The following EXT1 variants were observed in gnomAD, a reference collection of about 807,000 sequenced individuals.
The protein encoded by EXT1 is exostosin-1.
EXT1 carries 20 observed loss-of-function variants against 82.5 expected under a neutral mutation model. That is an observed-to-expected ratio of 0.24 (90% CI 0.17 to 0.35). EXT1 has a LOEUF of 0.35. EXT1 is among the 10% of genes least tolerant of loss of function. The probability of loss-of-function intolerance (pLI) is 1.00; values close to 1 mark genes in which losing one functional copy is unlikely to be tolerated. For missense variants in EXT1, 757 were observed against 936.5 expected, an observed-to-expected ratio of 0.81 and a Z score of 2.50; for synonymous variants, 348 against 350.8, an observed-to-expected ratio of 0.99 and a Z score of 0.09.
intron 1 of EXT1, among the ~76,000 whole-genome samples, chr8:117,918,881 T>C (rs938409076): frequency 1.3e-5 from 2 of 152,164 alleles, no homozygotes; most frequent in Non-Finnish European, 1.5e-5. Flanking sequence ...ACTGACATGA[T>C]GTGTTAGTCA....
At chr8:118,015,654 T>C (rs1013934337) in intron 1 of EXT1, among the ~76,000 whole-genome samples, 37 of 152,028 alleles carry the variant, frequency 2.4e-4, no homozygotes, top group Non-Finnish European at 8.8e-5. Context: ...AAAGACGGCA[T>C]CTAAACTAAG....
intron 7 of EXT1, among the ~76,000 whole-genome samples, chr8:117,816,875 G>C (rs1009110527): frequency 2.0e-5 from 3 of 152,162 alleles, no homozygotes; most frequent in African/African-American, 7.2e-5. Flanking sequence ...TTGACCCATG[G>C]AAGCATACAA....
intron 1 of EXT1, among the ~76,000 whole-genome samples, chr8:118,024,011 A>C (rs1816156381): frequency 6.6e-6 from 1 of 152,258 alleles, no homozygotes; most frequent in Non-Finnish European, 1.5e-5. Context: ...CTGTAAGTCT[A>C]GAGTGGACAT....
At chr8:118,022,326 C>CTT (rs71307420) in intron 1 of EXT1, among the ~76,000 whole-genome samples, 489 of 46,196 alleles carry the variant, frequency 0.011, 146 homozygotes, top group Non-Finnish European at 0.016. Flanking sequence ...CATATATATT[C>CTT]TTTTTTTTTT....
At chr8:117,835,333 C>A (rs1812171289) in intron 3 of EXT1, 111 bp downstream of exon 3, 8 of 791,740 alleles carry the variant, frequency 1.0e-5, no homozygotes, top group Admixed American at 6.0e-5. Flanking sequence ...TAATTTTCTC[C>A]TGATAAGATT....
At chr8:117,910,402 A>G (rs1813623421) in intron 1 of EXT1, among the ~76,000 whole-genome samples, 1 of 152,216 alleles carries the variant, frequency 6.6e-6, no homozygotes, top group South Asian at 2.1e-4. Flanking sequence ...ACTCCAGGAA[A>G]GATGGTCCAC....
intron 1 of EXT1, among the ~76,000 whole-genome samples, chr8:117,928,973 G>A (rs1448048918): frequency 1.3e-5 from 2 of 152,108 alleles, no homozygotes; most frequent in African/African-American, 4.8e-5. Context: ...AAATAATTGA[G>A]CCCAGGTTGA....
At chr8:118,040,930 G>A (rs936478695) in intron 1 of EXT1, among the ~76,000 whole-genome samples, 1 of 152,160 alleles carries the variant, frequency 6.6e-6, no homozygotes, top group African/African-American at 2.4e-5. Flanking sequence ...TGAACCACAA[G>A]CTCTCTAATC....
chr8:118,037,600 T>C (rs1305838630), intron 1 of EXT1, among the ~76,000 whole-genome samples: 1 of 152,158 alleles, frequency 6.6e-6, no homozygotes, highest in Non-Finnish European at 1.5e-5. Flanking sequence ...ACTTTGATGA[T>C]GTGTCTGCTT....
chr8:117,949,408 T>C (rs1302314355), intron 1 of EXT1, among the ~76,000 whole-genome samples: 1 of 151,468 alleles, frequency 6.6e-6, no homozygotes, highest in African/African-American at 2.4e-5. Flanking sequence ...AGAGAGAAAG[T>C]TGACATATTT....
intron 1 of EXT1, among the ~76,000 whole-genome samples, chr8:118,083,754 G>A (rs773344976): frequency 8.5e-5 from 13 of 152,110 alleles, no homozygotes; most frequent in African/African-American, 1.4e-4. Context: ...GAGGCGGGGC[G>A]CAGTAGCTCA....
At chr8:117,955,922 T>A (rs1488179335) in intron 1 of EXT1, among the ~76,000 whole-genome samples, 1 of 152,180 alleles carries the variant, frequency 6.6e-6, no homozygotes, top group Non-Finnish European at 1.5e-5. Flanking sequence ...CAGCCTGCCC[T>A]TATGGCAAGG....
intron 1 of EXT1, among the ~76,000 whole-genome samples, chr8:118,097,739 C>G (rs1025208326): frequency 6.6e-6 from 1 of 152,152 alleles, no homozygotes; most frequent in African/African-American, 2.4e-5. Context: ...ATCCCCAGTG[C>G]CTGCACACCG....
intron 1 of EXT1, among the ~76,000 whole-genome samples, chr8:117,958,574 A>G (rs756996631): frequency 1.2e-4 from 19 of 152,214 alleles, no homozygotes; most frequent in Non-Finnish European, 2.2e-4. Flanking sequence ...TAATCTTTCT[A>G]TTTAAATCAT....
At chr8:117,995,037 C>A (rs7006696) in intron 1 of EXT1, among the ~76,000 whole-genome samples, 60,953 of 152,018 alleles carry the variant, frequency 0.4, 12,409 homozygotes, top group Admixed American at 0.47. Flanking sequence ...GTCACGAAGA[C>A]AAACTGAGAG....
intron 7 of EXT1, among the ~76,000 whole-genome samples, chr8:117,815,760 C>T (rs1035512634): frequency 6.6e-6 from 1 of 151,992 alleles, no homozygotes; most frequent in Admixed American, 6.6e-5. Flanking sequence ...GAGAAACCCC[C>T]TCTCTACTAA....
At chr8:117,882,993 A>AG (rs1813087459) in intron 1 of EXT1, among the ~76,000 whole-genome samples, 1 of 151,836 alleles carries the variant, frequency 6.6e-6, no homozygotes, top group African/African-American at 2.4e-5. Context: ...AAAAAAAAAA[A>AG]AAAGAAAGAA....
chr8:117,911,394 A>C (rs1813644351), intron 1 of EXT1, among the ~76,000 whole-genome samples: 1 of 152,182 alleles, frequency 6.6e-6, no homozygotes, highest in Non-Finnish European at 1.5e-5. Context: ...ATAACCCAAG[A>C]GATGAAACTC....
At chr8:118,063,358 G>C (rs1816916102) in intron 1 of EXT1, among the ~76,000 whole-genome samples, 1 of 152,166 alleles carries the variant, frequency 6.6e-6, no homozygotes, top group Non-Finnish European at 1.5e-5. Context: ...GAAAGGTACA[G>C]ACTTTAACAA....
Sources: allele counts gnomAD v4.1 joint callset (sites outside exome capture counted in the v4.1 genomes callset), GRCh38; gene constraint gnomAD v4.1.1; transcripts MANE v1.5; gene names NCBI Gene and HGNC (gene_info 2026-07-23, HGNC 2026-07-21).